Variants in GCH1 observed in about 807,000 individuals in gnomAD.
GCH1 encodes the protein GTP cyclohydrolase I.
In GCH1, 5 loss-of-function variants were observed where a neutral mutation model predicts 25.9. The ratio of observed to expected loss-of-function variants is 0.19; its 90% CI spans 0.10 to 0.41. GCH1 has a LOEUF of 0.41. Among genes scored for constraint, GCH1 ranks in the 10% least tolerant of loss-of-function variants. The probability of loss-of-function intolerance (pLI) is 1.00; values close to 1 mark genes in which losing one functional copy is unlikely to be tolerated. For missense variants in GCH1, 261 were observed against 336.5 expected, an observed-to-expected ratio of 0.78 and a Z score of 1.75; for synonymous variants, 159 against 129.6, an observed-to-expected ratio of 1.23 and a Z score of -1.54.
At chr14:54,871,582 A>C (rs143926201) in intron 1 of GCH1, among the ~76,000 whole-genome samples, 2,393 of 152,316 alleles carry the variant, frequency 0.016, 36 homozygotes, top group South Asian at 0.047. Context: ...CCCATGGCAA[A>C]GAAGTTAAAA....
chr14:54,870,330 T>A (rs1353387212), intron 1 of GCH1, among the ~76,000 whole-genome samples: 1 of 138,814 alleles, frequency 7.2e-6, no homozygotes, highest in Non-Finnish European at 1.5e-5. Flanking sequence ...AGACTCTGTT[T>A]TTACCAAAAA....
chr14:54,870,776 T>C (rs2040061930), intron 1 of GCH1, among the ~76,000 whole-genome samples: 2 of 152,142 alleles, frequency 1.3e-5, no homozygotes, highest in Non-Finnish European at 2.9e-5. Context: ...GAGATCAAAC[T>C]GCAAGGCGGC....
chr14:54,895,218 G>A (rs1217210287), intron 1 of GCH1, among the ~76,000 whole-genome samples: 2 of 152,198 alleles, frequency 1.3e-5, no homozygotes, highest in African/African-American at 4.8e-5. Context: ...AATGGCTGAG[G>A]TGGGGATATG....
chr14:54,878,943 G>A (rs751083586), intron 1 of GCH1, among the ~76,000 whole-genome samples: 2 of 151,858 alleles, frequency 1.3e-5, no homozygotes, highest in Admixed American at 6.6e-5. Context: ...TTATTTTTTT[G>A]TAGAGACAGA....
In GCH1 at chr14:54,865,309, C is replaced by A; in HGVS notation, c.453+18G>T. ...CACTATGTTTTAAATTGCTGGGAAA[C>A]AACAAAGAGAACCTTACCTTTCCAA... On this transcript the variant is annotated intron_variant, in intron 2 of 5. Coordinates refer to ENST00000491895, the MANE Select transcript of GCH1 (RefSeq NM_000161.3). 8.5e-7 allele frequency: 1 copy of A among 1,179,814 alleles called. No individual in the cohort carries two copies. The allele number at this position is 1,179,814 out of a possible 1,614,324, so 73.1% of individuals were successfully genotyped here.
intron 1 of GCH1, among the ~76,000 whole-genome samples, chr14:54,892,856 A>G (rs780018035): frequency 7.9e-5 from 12 of 152,064 alleles, no homozygotes; most frequent in Non-Finnish European, 1.8e-4. Flanking sequence ...AGACAGGCCA[A>G]TCACTTGAGG....
chr14:54,866,047 T>C (rs1018400123), intron 1 of GCH1, among the ~76,000 whole-genome samples: 2 of 152,230 alleles, frequency 1.3e-5, no homozygotes, highest in African/African-American at 4.8e-5. Context: ...GGGAAGGCTT[T>C]GGAAGATAAG....
At chr14:54,885,646 TG>T in intron 1 of GCH1, 1 of 286,002 alleles carries the variant, frequency 3.5e-6, no homozygotes, top group Admixed American at 4.3e-5. Flanking sequence ...CCCAGCACTT[TG>T]GGAGGCCAAG....
chr14:54,857,266 G>C (rs2039825839), intron 3 of GCH1, among the ~76,000 whole-genome samples: 1 of 152,088 alleles, frequency 6.6e-6, no homozygotes, highest in Admixed American at 6.6e-5. Context: ...TTTCATAAAA[G>C]CTTAATTATT....
At chr14:54,865,989 G>A (rs1428058251) in intron 1 of GCH1, among the ~76,000 whole-genome samples, 1 of 151,972 alleles carries the variant, frequency 6.6e-6, no homozygotes, top group Non-Finnish European at 1.5e-5. Context: ...CTAAACAGTT[G>A]CCTTCCTAAG....
intron 3 of GCH1, among the ~76,000 whole-genome samples, chr14:54,858,467 G>A (rs1037086648): frequency 6.6e-6 from 1 of 151,972 alleles, no homozygotes; most frequent in Non-Finnish European, 1.5e-5. Flanking sequence ...TGTATTTTTA[G>A]TAGAGATGGG....
chr14:54,875,442 G>A (rs1183088313), intron 1 of GCH1, among the ~76,000 whole-genome samples: 1 of 152,136 alleles, frequency 6.6e-6, no homozygotes, highest in Non-Finnish European at 1.5e-5. Flanking sequence ...AACACCAAAA[G>A]TGATGGCAAC....
Position 54,854,847 on chromosome 14 carries a change from C to T in GCH1, c.509+4834G>A, listed in dbSNP as rs545568501. Among the ~76,000 whole-genome samples, 327 of 152,160 alleles carry T rather than the reference C, an allele frequency of 2.1e-3. 1 individual carries two copies. Among genetic ancestry groups the T allele is most frequent in the African/African-American group, 7.6e-3 (315 of 41,508 alleles). ...AAAGTGTGATGAAAAGTGTGTTGGC[C>T]GAAGTGTGGAGAAACATACACCACC... On this transcript the variant is annotated intron_variant, in intron 3 of 5. Transcript: ENST00000491895.
intron 1 of GCH1, among the ~76,000 whole-genome samples, chr14:54,896,776 C>T (rs1329002396): frequency 6.6e-6 from 1 of 151,286 alleles, no homozygotes. Flanking sequence ...AAAAATTAGC[C>T]GGGTGTGGTA....
At chr14:54,879,490 G>A (rs1212579636) in intron 1 of GCH1, among the ~76,000 whole-genome samples, 1 of 148,950 alleles carries the variant, frequency 6.7e-6, no homozygotes, top group African/African-American at 2.5e-5. Flanking sequence ...AGAGAAGAGT[G>A]AATCAGAAGA....
rs1050163787 is a variant in GCH1 at position 54,887,022 on chromosome 14, G to C, written c.343+15299C>G. On this transcript the variant is annotated intron_variant, in intron 1 of 5. Coordinates refer to ENST00000491895, the MANE Select transcript of GCH1 (RefSeq NM_000161.3). ...CAGAGACTGCCAGAACCAAAGTGGT[G>C]CGCATCAGTCACAAAATACTGTTTC... 2.2e-4 allele frequency among the ~76,000 whole-genome samples: 34 copies of C among 152,166 alleles called. 1 individual carries two copies. The highest frequency in any genetic ancestry group is 4.1e-4 in the South Asian group (2 of 4,834).
intron 3 of GCH1, among the ~76,000 whole-genome samples, chr14:54,856,718 G>A (rs2039816842): frequency 6.6e-6 from 1 of 152,170 alleles, no homozygotes; most frequent in South Asian, 2.1e-4. Context: ...CTCCCAAAGT[G>A]CTGAGATTAC....
intron 1 of GCH1, among the ~76,000 whole-genome samples, chr14:54,874,779 T>C (rs543815607): frequency 1.3e-5 from 2 of 152,030 alleles, no homozygotes; most frequent in South Asian, 2.1e-4. Flanking sequence ...GAATCCAACT[T>C]ACAAGGGACA....
In GCH1 at chr14:54,862,508, G is replaced by A. The variant is rs909201563; in HGVS notation, c.454-2772C>T. On this transcript the variant is annotated intron_variant, in intron 2 of 5. Transcript: ENST00000491895. ...AGCGATTCTCCAACCTCACCCTCCC[G>A]AGTAGCTGAGACCACAGGTGCATGC... Among the ~76,000 whole-genome samples, 7 of 146,950 alleles carry A rather than the reference G, an allele frequency of 4.8e-5. No homozygotes were observed. In the East Asian group the frequency reaches 1.2e-3, roughly 25 times the overall value.
Sources: allele counts gnomAD v4.1 joint callset (sites outside exome capture counted in the v4.1 genomes callset), GRCh38; gene constraint gnomAD v4.1.1; transcripts MANE v1.5; gene names NCBI Gene and HGNC (gene_info 2026-07-23, HGNC 2026-07-21).